Variants in PLPPR1 observed in about 807,000 individuals in gnomAD.
PLPPR1 encodes phospholipid phosphatase-related protein type 1.
PLPPR1 carries 10 observed loss-of-function variants against 33.1 expected under a neutral mutation model. The ratio of observed to expected loss-of-function variants is 0.30; its 90% CI spans 0.19 to 0.51. The LOEUF is 0.51. PLPPR1 is among the 20% of genes least tolerant of loss of function. The pLI, the probability that PLPPR1 is intolerant of heterozygous loss-of-function variation, is 0.97. For synonymous variants in PLPPR1, 151 were observed against 151.0 expected (o/e 1.00, Z 0.00); for missense variants, 304 against 408.1 (o/e 0.74, Z 2.20).
chr9:101,212,236 C>A (rs1461561174), intron 2 of PLPPR1, among the ~76,000 whole-genome samples: 2 of 152,086 alleles, frequency 1.3e-5, no homozygotes, highest in African/African-American at 2.4e-5. Flanking sequence ...ACATGTGCCA[C>A]CATGCCTGGC....
intron 1 of PLPPR1, among the ~76,000 whole-genome samples, chr9:101,051,701 C>T (rs1447398358): frequency 6.6e-6 from 1 of 152,198 alleles, no homozygotes; most frequent in Non-Finnish European, 1.5e-5. Flanking sequence ...TGCTTTGCAG[C>T]TATTTTATGC....
intron 4 of PLPPR1, among the ~76,000 whole-genome samples, chr9:101,297,241 A>G (rs1484997879): frequency 1.4e-5 from 2 of 148,106 alleles, no homozygotes; most frequent in Non-Finnish European, 3.0e-5. Context: ...GAGTGAGGGC[A>G]GAATAAAGGC....
intron 1 of PLPPR1, among the ~76,000 whole-genome samples, chr9:101,111,124 C>A (rs1331699399): frequency 6.6e-6 from 1 of 151,998 alleles, no homozygotes; most frequent in East Asian, 1.9e-4. Context: ...ATGATATATA[C>A]CAAAACATGA....
chr9:101,324,223 GAT>G lies in PLPPR1; in HGVS notation c.*167_*168del. 1 of 380,976 alleles carries G rather than the reference GAT, an allele frequency of 2.6e-6. No individual in the cohort carries two copies. The highest frequency in any genetic ancestry group is 4.4e-6 in the Non-Finnish European group (1 of 225,478). The allele number at this position is 380,976 out of a possible 1,614,324, so 23.6% of individuals were successfully genotyped here. A position where few individuals can be genotyped will look rare whatever the true frequency, so the allele number is the denominator to read the frequency against. On this transcript the variant is annotated 3_prime_UTR_variant, in exon 8 of 8. Transcript: ENST00000374874. ...ATGAGGAAGTGATGTAGCTTGCCCT[GAT>G]TTTTTTTTTTTTTTTTTGGTCAGCT...
At chr9:101,271,879 A>T (rs1828107530) in intron 3 of PLPPR1, among the ~76,000 whole-genome samples, 1 of 152,176 alleles carries the variant, frequency 6.6e-6, no homozygotes, top group African/African-American at 2.4e-5. Flanking sequence ...AATTATAGAG[A>T]TTGTTTTACA....
At chr9:101,160,178 A>G (rs1252998353) in intron 1 of PLPPR1, among the ~76,000 whole-genome samples, 1 of 152,194 alleles carries the variant, frequency 6.6e-6, no homozygotes, top group African/African-American at 2.4e-5. Context: ...GAATAATTGC[A>G]AGTTGACCTT....
chr9:101,213,888 T>G (rs1826733956), intron 2 of PLPPR1, among the ~76,000 whole-genome samples: 1 of 152,250 alleles, frequency 6.6e-6, no homozygotes, highest in Admixed American at 6.5e-5. Context: ...TATAATTGAA[T>G]TAAATAATTT....
intron 1 of PLPPR1, among the ~76,000 whole-genome samples, chr9:101,110,736 C>G (rs1831045586): frequency 6.6e-6 from 1 of 152,060 alleles, no homozygotes; most frequent in Admixed American, 6.5e-5. Flanking sequence ...GTGGTTACAT[C>G]TAAAGTGCAG....
At chr9:101,125,921 C>T (rs1831241707) in intron 1 of PLPPR1, 1 of 328,940 alleles carries the variant, frequency 3.0e-6, no homozygotes, top group Non-Finnish European at 5.8e-6. Context: ...CATATCATGC[C>T]TGTGTGCTCA....
intron 1 of PLPPR1, among the ~76,000 whole-genome samples, chr9:101,086,031 C>T (rs973640494): frequency 1.3e-5 from 2 of 152,068 alleles, no homozygotes; most frequent in African/African-American, 2.4e-5. Flanking sequence ...CCCTTCTATT[C>T]CTAGTTTATT....
intron 2 of PLPPR1, among the ~76,000 whole-genome samples, chr9:101,268,280 GAA>G (rs369534800): frequency 0.018 from 2,626 of 144,062 alleles, 31 homozygotes; most frequent in Middle Eastern, 0.082. Context: ...TCTTTGATGT[GAA>G]AAAAAAAAAG....
chr9:101,182,430 A>G (rs1251676503), intron 1 of PLPPR1, among the ~76,000 whole-genome samples: 6 of 151,836 alleles, frequency 4.0e-5, no homozygotes, highest in Non-Finnish European at 8.8e-5. Context: ...TACATTTGTT[A>G]ATTATGCTGA....
chr9:101,249,124 T>C (rs1335905945), intron 2 of PLPPR1, among the ~76,000 whole-genome samples: 1 of 152,134 alleles, frequency 6.6e-6, no homozygotes, highest in African/African-American at 2.4e-5. Flanking sequence ...GATTTATCTG[T>C]AGCAAAAGAT....
intron 2 of PLPPR1, among the ~76,000 whole-genome samples, chr9:101,243,144 T>C (rs926719647): frequency 1.3e-5 from 2 of 152,012 alleles, no homozygotes; most frequent in Admixed American, 1.3e-4. Context: ...TAGAAATGTA[T>C]GATTCATCAA....
chr9:101,050,174 T>C (rs1318662709), intron 1 of PLPPR1, among the ~76,000 whole-genome samples: 1 of 151,734 alleles, frequency 6.6e-6, no homozygotes, highest in East Asian at 1.9e-4. Context: ...TCTGAGTTTT[T>C]TACACTTAGA....
chr9:101,180,886 G>T (rs1208096276), intron 1 of PLPPR1, among the ~76,000 whole-genome samples: 1 of 151,612 alleles, frequency 6.6e-6, no homozygotes, highest in African/African-American at 2.4e-5. Context: ...ATAAACAAAC[G>T]GGATTACACC....
chr9:101,245,536 G>T (rs1422975885), intron 2 of PLPPR1, among the ~76,000 whole-genome samples: 1 of 151,966 alleles, frequency 6.6e-6, no homozygotes, highest in Non-Finnish European at 1.5e-5. Context: ...TGATGTCAAA[G>T]ATTTGGTGAT....
chr9:101,101,973 T>C (rs1285722477), intron 1 of PLPPR1, among the ~76,000 whole-genome samples: 1 of 152,094 alleles, frequency 6.6e-6, no homozygotes, highest in Non-Finnish European at 1.5e-5. Context: ...TGCCATCACC[T>C]CTTCCATGCT....
intron 1 of PLPPR1, among the ~76,000 whole-genome samples, chr9:101,055,156 C>A (rs901852022): frequency 6.6e-6 from 1 of 152,150 alleles, no homozygotes; most frequent in Non-Finnish European, 1.5e-5. Context: ...AAATTAAGTT[C>A]TATTTTCCTT....
Sources: allele counts gnomAD v4.1 joint callset (sites outside exome capture counted in the v4.1 genomes callset), GRCh38; gene constraint gnomAD v4.1.1; transcripts MANE v1.5; gene names NCBI Gene and HGNC (gene_info 2026-07-23, HGNC 2026-07-21).